The following DOK7 variants were observed in gnomAD, a reference collection of about 807,000 sequenced individuals.
DOK7 encodes the protein protein Dok-7.
DOK7 carries 32 observed loss-of-function variants against 30.7 expected under a neutral mutation model. The observed-to-expected ratio is 1.04, with a 90% CI of 0.79 to 1.40. The LOEUF (loss-of-function observed/expected upper bound fraction) is 1.40. DOK7 is among the 40% of genes most tolerant of loss of function. DOK7 has a pLI of 0.00. For missense variants in DOK7, 1,007 were observed against 699.2 expected (o/e 1.44, Z -4.97); for synonymous variants, 447 against 324.1 (o/e 1.38, Z -4.07).
At chr4:3,497,262 G>A (rs1037636784), downstream of DOK7, among the ~76,000 whole-genome samples, 1 of 152,088 alleles carries the variant, frequency 6.6e-6, no homozygotes, top group Non-Finnish European at 1.5e-5. Context: ...GTCAGGGTTG[G>A]GGTCCAGGAG....
intron 2 of DOK7, among the ~76,000 whole-genome samples, chr4:3,470,718 A>C (rs1484642231): frequency 6.6e-6 from 1 of 152,140 alleles, no homozygotes; most frequent in African/African-American, 2.4e-5. Context: ...AGCCATTCCC[A>C]CACGTGTCAT....
chr4:3,486,720 C>T (rs1333012151), intron 5 of DOK7, among the ~76,000 whole-genome samples: 2 of 151,830 alleles, frequency 1.3e-5, no homozygotes, highest in African/African-American at 2.4e-5. Context: ...GTCTTCCTGC[C>T]TAGTGGATGC....
intron 3 of DOK7, among the ~76,000 whole-genome samples, chr4:3,475,672 G>A (rs1161995588): frequency 1.3e-5 from 2 of 152,110 alleles, no homozygotes; most frequent in Non-Finnish European, 2.9e-5. Flanking sequence ...CTGGGGCCTC[G>A]ATACAGACTC....
intron 2 of DOK7, among the ~76,000 whole-genome samples, chr4:3,470,683 T>C (rs1176777353): frequency 6.6e-6 from 1 of 152,218 alleles, no homozygotes; most frequent in Non-Finnish European, 1.5e-5. Flanking sequence ...AACCTGTTTT[T>C]GTAAATAAAG....
At chr4:3,488,170 A>C (rs1411749085) in intron 5 of DOK7, among the ~76,000 whole-genome samples, 1 of 152,216 alleles carries the variant, frequency 6.6e-6, no homozygotes, top group Non-Finnish European at 1.5e-5. Context: ...AGACAGGGCC[A>C]CAGGGTCTTG....
In DOK7 at chr4:3,463,544, C is replaced by G; in HGVS notation, c.93C>G (p.Pro31=). The change falls in exon 2 of 7, where the codon CCC becomes CCG. Residue 31 remains proline (P), a synonymous_variant. Transcript: ENST00000340083. ...SRWLVLRKPS[P]VADCLLMLVY... The stretch of plus-strand genomic sequence containing the variant: ...GGCTGGTGCTGCGGAAGCCGTCGCC[C>G]GTGGCAGGTGAGCGGGGCGGGCGGG... 1 of 822,214 alleles carries G rather than the reference C, an allele frequency of 1.2e-6. No homozygotes were observed. Among genetic ancestry groups the G allele is most frequent in the Non-Finnish European group, 1.7e-6 (1 of 595,980 alleles). 50.9% of individuals were successfully genotyped at this position (822,214 alleles called of 1,614,324 possible). A position where few individuals can be genotyped will look rare whatever the true frequency, so the allele number is the denominator to read the frequency against.
chr4:3,489,303 C>G (rs1236398075), intron 5 of DOK7, among the ~76,000 whole-genome samples: 1 of 152,042 alleles, frequency 6.6e-6, no homozygotes, highest in Non-Finnish European at 1.5e-5. Context: ...GGCAGCCCCT[C>G]TTGCAGCGAG....
intron 4 of DOK7, chr4:3,484,440 C>A: frequency 3.1e-6 from 3 of 968,174 alleles, no homozygotes; most frequent in Non-Finnish European, 3.7e-6. Context: ...TTCCCTCCTG[C>A]GTACCTTTCT....
At chr4:3,499,155 G>A (rs1310573524), downstream of DOK7, among the ~76,000 whole-genome samples, 1 of 152,232 alleles carries the variant, frequency 6.6e-6, no homozygotes. Context: ...CTGGGGCAGG[G>A]AGGCCCAGCC....
rs1729159415 is a variant in DOK7, at chr4:3,500,984, GT to G, written c.*163del. 8.3e-6 allele frequency: 10 copies of G among 1,208,684 alleles called. No homozygotes were observed. In the South Asian group the frequency reaches 1.6e-4, roughly 19 times the overall value. 74.9% of individuals were successfully genotyped at this position (1,208,684 alleles called of 1,614,324 possible). ...CTCCGGGCCATGGTGCAAACAGGAA[GT>G]TTTCAGGGCCCACGGCCAGGCCTCC... On this transcript the variant is annotated 3_prime_UTR_variant, in exon 8 of 8. Transcript: ENST00000643608.
intron 4 of DOK7, chr4:3,484,481 C>T (rs1397220091): frequency 2.8e-5 from 28 of 984,808 alleles, no homozygotes; most frequent in East Asian, 2.3e-4. Context: ...CCGGAGCGGG[C>T]GGGATTCCTG....
intron 4 of DOK7, among the ~76,000 whole-genome samples, chr4:3,485,038 C>T (rs1242146608): frequency 2.6e-5 from 4 of 152,156 alleles, no homozygotes; most frequent in Non-Finnish European, 5.9e-5. Context: ...CTTCATTTGC[C>T]CTCAAGACGG....
intron 4 of DOK7, among the ~76,000 whole-genome samples, chr4:3,478,342 C>G (rs1008929051): frequency 6.6e-6 from 1 of 152,226 alleles, no homozygotes; most frequent in South Asian, 2.1e-4. Flanking sequence ...TAAACAATCC[C>G]ACACCTGGGG....
At chr4:3,484,890 C>A (rs932582770) in intron 4 of DOK7, 2 of 985,028 alleles carry the variant, frequency 2.0e-6, no homozygotes, top group East Asian at 2.3e-4. Flanking sequence ...GCCCTCCCAA[C>A]AGCCCGGGGG....
chr4:3,481,026 A>G (rs148741946), intron 4 of DOK7, among the ~76,000 whole-genome samples: 29 of 152,090 alleles, frequency 1.9e-4, no homozygotes, highest in African/African-American at 7.0e-4. Flanking sequence ...AGGGGGGTGA[A>G]AAGGGCACTT....
At chr4:3,480,607 C>CA (rs927003903) in intron 4 of DOK7, among the ~76,000 whole-genome samples, 7 of 151,844 alleles carry the variant, frequency 4.6e-5, no homozygotes, top group South Asian at 4.2e-4. Context: ...GGCTCTGTCT[C>CA]AAAAAAAGAA....
chr4:3,497,178 C>G (rs1458280526), downstream of DOK7, among the ~76,000 whole-genome samples: 3 of 151,844 alleles, frequency 2.0e-5, no homozygotes, highest in African/African-American at 4.8e-5. Context: ...GGTTGGGAGA[C>G]ACAGACTGGG....
intron 4 of DOK7, among the ~76,000 whole-genome samples, chr4:3,480,597 G>A (rs922476662): frequency 4.6e-5 from 7 of 152,360 alleles, no homozygotes; most frequent in African/African-American, 1.7e-4. Context: ...AACAGAGCCA[G>A]GCTCTGTCTC....
intron 5 of DOK7, among the ~76,000 whole-genome samples, 200 bp downstream of exon 5, chr4:3,485,858 G>A (rs973374190): frequency 1.3e-5 from 2 of 152,244 alleles, no homozygotes; most frequent in Admixed American, 6.5e-5. Flanking sequence ...GAGCAGCGGG[G>A]GCTGGGCTCG....
Sources: gnomAD v4.1 joint callset for allele counts (sites outside exome capture counted in the v4.1 genomes callset) on GRCh38, gnomAD v4.1.1 for gene constraint, MANE v1.5 for transcripts, NCBI Gene and HGNC (gene_info 2026-07-23, HGNC 2026-07-21) for gene names.